Variants in ZNF606 observed in about 807,000 individuals in gnomAD.
ZNF606 encodes the protein zinc finger protein 328.
Under a neutral mutation model 74.9 loss-of-function variants are expected in ZNF606, and 37 were observed. The observed-to-expected ratio is 0.49, with a 90% CI of 0.38 to 0.65. The LOEUF (loss-of-function observed/expected upper bound fraction) is 0.65, where lower values mean the gene tolerates loss of function less well. Ranked by LOEUF, ZNF606 falls within the 30% of genes least tolerant of loss-of-function variation. The pLI is 0.00. For synonymous variants in ZNF606, 328 were observed against 312.4 expected (o/e 1.05, Z -0.53); for missense variants, 852 against 952.9 (o/e 0.89, Z 1.39).
chr19:57,982,288 T>C (rs958058956), intron 6 of ZNF606, among the ~76,000 whole-genome samples: 2 of 152,154 alleles, frequency 1.3e-5, no homozygotes, highest in African/African-American at 4.8e-5. Flanking sequence ...CTCCAACCTC[T>C]GCTTCTGTCA....
intron 6 of ZNF606, among the ~76,000 whole-genome samples, chr19:57,985,727 G>T (rs953002000): frequency 6.6e-6 from 1 of 150,880 alleles, no homozygotes. Context: ...AAGAGATTGA[G>T]ACCACCCTGG....
chr19:57,993,909 G>A (rs2073297629), intron 4 of ZNF606, among the ~76,000 whole-genome samples: 1 of 152,170 alleles, frequency 6.6e-6, no homozygotes, highest in South Asian at 2.1e-4. Context: ...GATCTATGCA[G>A]CTGAAGTAGA....
intron 6 of ZNF606, among the ~76,000 whole-genome samples, chr19:57,985,771 C>CAA (rs535640285): frequency 8.6e-5 from 12 of 139,904 alleles, no homozygotes; most frequent in Non-Finnish European, 1.1e-4. Context: ...ACTAAAAATA[C>CAA]AAAAAAAAAA....
intron 4 of ZNF606, chr19:57,998,852 T>A (rs1232648285): frequency 6.6e-6 from 1 of 152,160 alleles, no homozygotes; most frequent in Non-Finnish European, 1.5e-5. Flanking sequence ...AGCCACCCTG[T>A]CCCCATAATC....
At chr19:57,996,012 C>T (rs1384960039) in intron 4 of ZNF606, among the ~76,000 whole-genome samples, 1 of 152,078 alleles carries the variant, frequency 6.6e-6, no homozygotes, top group Non-Finnish European at 1.5e-5. Flanking sequence ...CATTTGCTTC[C>T]TTTTTACACT....
intron 6 of ZNF606, 132 bp from the exon 7 acceptor site, chr19:57,980,411 CAGAGA>C (rs1199489463): frequency 1.2e-6 from 1 of 844,644 alleles, no homozygotes; most frequent in Non-Finnish European, 1.8e-6. Flanking sequence ...GCTTAGAACT[CAGAGA>C]AAGATCATAA....
At chr19:58,003,103 T>C (rs1289074613), upstream of ZNF606, 1 of 410,622 alleles carries the variant, frequency 2.4e-6, no homozygotes, top group Admixed American at 2.7e-5. Context: ...CGCCTCGTGG[T>C]ACCGGGTTTC....
At chr19:57,982,017 G>T (rs1466115424) in intron 6 of ZNF606, among the ~76,000 whole-genome samples, 2 of 152,138 alleles carry the variant, frequency 1.3e-5, no homozygotes, top group African/African-American at 4.8e-5. Context: ...AACAACCAAA[G>T]GAGGCTATAT....
At chr19:57,993,272 G>A (rs1174224640) in intron 4 of ZNF606, among the ~76,000 whole-genome samples, 2 of 152,090 alleles carry the variant, frequency 1.3e-5, no homozygotes, top group Non-Finnish European at 2.9e-5. Flanking sequence ...ATTAAACTAA[G>A]ACATAAAACT....
chr19:57,978,584 C>G lies in ZNF606; in HGVS notation c.2096G>C (p.Arg699Pro). 5 of 1,613,458 alleles carry G rather than the reference C, an allele frequency of 3.1e-6. No homozygotes were observed. Among genetic ancestry groups the G allele is most frequent in the Non-Finnish European group, 4.2e-6 (5 of 1,179,852 alleles). Residue 699 changes from arginine to proline, a missense_variant, in exon 7 of 7, where the codon CGG becomes CCG. Arg to Pro is a moderately radical substitution (Grantham distance 103, BLOSUM62 -2). Coordinates refer to ENST00000551380, the MANE Select transcript of ZNF606 (RefSeq NM_001348022.3). This position sits in a 1 kb window ranked among gnomAD's most constrained non-coding sequence, Gnocchi z 4.4. ...TGGTTTCTCTCCAGTATGAGTTCTC[C>G]GGTGTGCAATGAGGTGAGAACTACA... ...FNCSSHLIAH[R>P]RTHTGEKPYR...
intron 3 of ZNF606, 94 bp from the exon 4 acceptor site, chr19:57,999,990 C>G (rs575716979): frequency 4.5e-6 from 5 of 1,109,374 alleles, no homozygotes; most frequent in South Asian, 1.5e-5. Context: ...TGCCCCTCCC[C>G]CTTGAATGAG....
Position 58,002,617 on chromosome 19 carries a change from G to A in ZNF606, c.-273C>T, listed in dbSNP as rs1568587590. 1 of 450,920 alleles carries A rather than the reference G, an allele frequency of 2.2e-6. No homozygotes were observed. The highest frequency in any genetic ancestry group is 2.4e-5 in the Admixed American group (1 of 41,644). 27.9% of individuals were successfully genotyped at this position (450,920 alleles called of 1,614,324 possible). A position where few individuals can be genotyped will look rare whatever the true frequency, so the allele number is the denominator to read the frequency against. ...GAAGAACGCCCGGAGGCGGGAGGCC[G>A]GAGGCAGGCTGCTGGCTGGAGAACC... On this transcript the variant is annotated 5_prime_UTR_variant, in exon 1 of 7. Transcript: ENST00000551380.
chr19:57,993,242 T>C (rs1246273730), intron 4 of ZNF606, among the ~76,000 whole-genome samples: 1 of 152,206 alleles, frequency 6.6e-6, no homozygotes, highest in Non-Finnish European at 1.5e-5. Flanking sequence ...AAGTCTGTGG[T>C]AGTCTATTAC....
chr19:57,982,691 T>C (rs1011042903), intron 6 of ZNF606, among the ~76,000 whole-genome samples: 4 of 152,174 alleles, frequency 2.6e-5, no homozygotes, highest in African/African-American at 9.7e-5. Context: ...AGGAGTGCAG[T>C]GGTACCGTCA....
At chr19:57,989,648 T>C (rs948657617) in intron 4 of ZNF606, among the ~76,000 whole-genome samples, 2 of 151,826 alleles carry the variant, frequency 1.3e-5, no homozygotes, top group African/African-American at 4.8e-5. Flanking sequence ...GGTTTTGCCA[T>C]GTTGGCCAGG....
In ZNF606 at chr19:57,979,500, A is replaced by T; in HGVS notation, c.1180T>A (p.Tyr394Asn). 6.2e-7 allele frequency: 1 copy of T among 1,614,084 alleles called. No individual in the cohort carries two copies. Among genetic ancestry groups the T allele is most frequent in the Non-Finnish European group, 8.5e-7 (1 of 1,179,994 alleles). Reference sequence around the variant, plus strand: ...TAGTCATAGGGTTTCTCTGCAGTGTAAGTGCTTGTATGTTGAGTAAGGAAA... The same window carrying T: ...TAGTCATAGGGTTTCTCTGCAGTGTTAGTGCTTGTATGTTGAGTAAGGAAA... Reference protein sequence around the residue: ...DSFLTQHTSTYTAEKPYDYNE... With the variant: ...DSFLTQHTSTNTAEKPYDYNE... Residue 394 changes from tyrosine (Y) to asparagine (N), a missense_variant, in exon 7 of 7, where the codon TAC becomes AAC. By Grantham distance (143) the Tyr-to-Asn change is moderately radical. Transcript: ENST00000551380.
intron 4 of ZNF606, among the ~76,000 whole-genome samples, chr19:57,992,801 A>T (rs552018927): frequency 6.6e-6 from 1 of 152,356 alleles, no homozygotes; most frequent in South Asian, 2.1e-4. Flanking sequence ...GTTGGAATAG[A>T]TGAAAAGAAA....
chr19:57,978,283 C>T lies in ZNF606; in HGVS notation c.*18G>A, dbSNP rs369798758. 3.9e-6 allele frequency: 6 copies of T among 1,535,476 alleles called. No homozygotes were observed. The highest frequency in any genetic ancestry group is 2.8e-5 in the African/African-American group (2 of 72,090). ...AATGTGTTGTCAAATGTACAAGAAA[C>T]GAAAAACTCGCATAAATTCAATTCA... On this transcript the variant is annotated 3_prime_UTR_variant, in exon 7 of 7. Coordinates refer to ENST00000551380, the MANE Select transcript of ZNF606 (RefSeq NM_001348022.3). The surrounding 1 kb of genome is among the most constrained non-coding windows in gnomAD (Gnocchi z 4.4).
upstream of ZNF606, chr19:58,003,327 G>A (rs1348814671): frequency 2.2e-6 from 1 of 456,490 alleles, no homozygotes; most frequent in East Asian, 7.0e-5. Context: ...GGTTACCAGC[G>A]ACGCACCCTG....
Sources: gnomAD v4.1 joint callset for allele counts (sites outside exome capture counted in the v4.1 genomes callset) on GRCh38, gnomAD v4.1.1 for gene constraint, Gnocchi (gnomAD v3.1) non-coding constraint, MANE v1.5 for transcripts, NCBI Gene and HGNC (gene_info 2026-07-23, HGNC 2026-07-21) for gene names.